ACYP2: variants seen among roughly 807,000 people sequenced by gnomAD.
ACYP2 encodes the protein acylphosphatase-2.
A neutral mutation model predicts 11.2 loss-of-function variants in ACYP2; 12 were observed. The observed-to-expected ratio is 1.08, with a 90% CI of 0.69 to 1.74. The LOEUF (loss-of-function observed/expected upper bound fraction) is 1.74, where lower values mean the gene tolerates loss of function less well. ACYP2 is among the 40% of genes most tolerant of loss of function. The pLI is 0.00. For missense variants in ACYP2, 134 were observed against 101.9 expected, an observed-to-expected ratio of 1.31 and a Z score of -1.35; for synonymous variants, 43 against 32.2, an observed-to-expected ratio of 1.33 and a Z score of -1.13.
chr2:54,141,101 T>C (rs1218488220), intron 6 of ACYP2, among the ~76,000 whole-genome samples: 2 of 152,232 alleles, frequency 1.3e-5, no homozygotes, highest in African/African-American at 4.8e-5. Flanking sequence ...TTTGTTCTCA[T>C]GAACTCCCTT....
chr2:54,162,148 G>T (rs899492228), intron 6 of ACYP2, among the ~76,000 whole-genome samples: 1 of 152,006 alleles, frequency 6.6e-6, no homozygotes, highest in Non-Finnish European at 1.5e-5. Flanking sequence ...AGTATTTAAC[G>T]AATGGGATAA....
rs1204977076 is a variant in ACYP2 at position 53,996,330 on chromosome 2, A to T, written c.62+22520A>T. Among the ~76,000 whole-genome samples, 4 of 152,016 alleles carry T rather than the reference A, an allele frequency of 2.6e-5. 1 individual carries two copies. In the East Asian group the frequency reaches 5.8e-4, roughly 22 times the overall value. Reference sequence around the variant, plus strand: ...TGTAGGGGGTGGAATGGTGATGGGGATGTACACCTATGAGAGATAAAAAAG... The same window carrying T: ...TGTAGGGGGTGGAATGGTGATGGGGTTGTACACCTATGAGAGATAAAAAAG... On this transcript the variant is annotated intron_variant, in intron 2 of 6. Coordinates refer to ENST00000607452, the MANE Select transcript of ACYP2 (RefSeq NM_001320586.2).
intron 6 of ACYP2, among the ~76,000 whole-genome samples, chr2:54,163,976 C>T (rs12621038): frequency 0.17 from 25,360 of 152,146 alleles, 2,428 homozygotes; most frequent in East Asian, 0.41. Flanking sequence ...GAGGAGATAA[C>T]AGTCTAGCTG....
intron 2 of ACYP2, among the ~76,000 whole-genome samples, chr2:54,008,784 CAGG>C (rs1426998519): frequency 6.6e-6 from 1 of 152,078 alleles, no homozygotes; most frequent in Non-Finnish European, 1.5e-5. Context: ...CGGAAGAGTA[CAGG>C]AGAAGCATTC....
At chr2:54,161,146 A>C (rs908658892) in intron 6 of ACYP2, among the ~76,000 whole-genome samples, 7 of 152,182 alleles carry the variant, frequency 4.6e-5, no homozygotes, top group African/African-American at 1.7e-4. Flanking sequence ...AAAGCTTCAG[A>C]GCCACTAAAC....
At chr2:54,040,992 G>C (rs770557591) in intron 2 of ACYP2, among the ~76,000 whole-genome samples, 1 of 152,194 alleles carries the variant, frequency 6.6e-6, no homozygotes, top group Non-Finnish European at 1.5e-5. Flanking sequence ...GTGATTGAGA[G>C]GAGAATTGCT....
intron 2 of ACYP2, among the ~76,000 whole-genome samples, chr2:53,992,481 A>G (rs995175950): frequency 6.6e-5 from 10 of 152,198 alleles, no homozygotes; most frequent in Non-Finnish European, 1.2e-4. Flanking sequence ...GAGAGATGAC[A>G]ATGGCTTGTA....
At chr2:54,280,274 G>C (rs1216715565) in intron 6 of ACYP2, among the ~76,000 whole-genome samples, 1 of 152,170 alleles carries the variant, frequency 6.6e-6, no homozygotes, top group Non-Finnish European at 1.5e-5. Context: ...ATGGTTGATT[G>C]ACTGTCCAGG....
intron 5 of ACYP2, among the ~76,000 whole-genome samples, chr2:54,136,697 C>T (rs980483141): frequency 3.9e-5 from 6 of 152,106 alleles, no homozygotes; most frequent in Non-Finnish European, 5.9e-5. Context: ...GTTCTAAGGC[C>T]GGATGCAGTG....
At chr2:54,100,326 A>G (rs1678824641) in intron 4 of ACYP2, among the ~76,000 whole-genome samples, 1 of 148,172 alleles carries the variant, frequency 6.7e-6, no homozygotes, top group African/African-American at 2.5e-5. Context: ...TTTTTGAGAC[A>G]AAGTCTTGCT....
intron 6 of ACYP2, among the ~76,000 whole-genome samples, chr2:54,152,561 C>T (rs1264410245): frequency 1.3e-5 from 2 of 152,212 alleles, no homozygotes; most frequent in African/African-American, 4.8e-5. Flanking sequence ...CCCTCCTTCT[C>T]TCCCTCTAGC....
At chr2:53,977,287 C>T (rs1264728988) in intron 2 of ACYP2, among the ~76,000 whole-genome samples, 4 of 152,034 alleles carry the variant, frequency 2.6e-5, no homozygotes, top group South Asian at 2.1e-4. Context: ...CCTCATGATC[C>T]GCCTGCCTCA....
chr2:53,990,762 C>T (rs1046135132), intron 2 of ACYP2, among the ~76,000 whole-genome samples: 11 of 151,196 alleles, frequency 7.3e-5, no homozygotes, highest in Admixed American at 2.0e-4. Flanking sequence ...TTCAGTAGGT[C>T]TGCAGATGAC....
At chr2:54,176,446 G>T (rs1683463784) in intron 6 of ACYP2, among the ~76,000 whole-genome samples, 11 of 152,226 alleles carry the variant, frequency 7.2e-5, no homozygotes, top group Admixed American at 7.2e-4. Context: ...CATACCAGCT[G>T]TGGACTGCTG....
At chr2:54,146,401 C>T (rs965341936) in intron 6 of ACYP2, among the ~76,000 whole-genome samples, 6 of 151,536 alleles carry the variant, frequency 4.0e-5, no homozygotes, top group Admixed American at 3.9e-4. Context: ...TCTTTTGGAC[C>T]CTCTTCTTTT....
At chr2:54,023,232 G>A (rs553350626) in intron 2 of ACYP2, among the ~76,000 whole-genome samples, 199 of 152,212 alleles carry the variant, frequency 1.3e-3, no homozygotes, top group Admixed American at 3.8e-3. Context: ...TGTGGGTTGT[G>A]ACCATATATT....
At chr2:54,009,151 TC>T (rs890596290) in intron 2 of ACYP2, among the ~76,000 whole-genome samples, 1 of 143,978 alleles carries the variant, frequency 6.9e-6, no homozygotes, top group African/African-American at 2.7e-5. Context: ...AGACTCCATC[TC>T]AAAAAAAAAA....
chr2:54,252,440 T>C (rs1687270278), intron 6 of ACYP2, among the ~76,000 whole-genome samples: 1 of 152,198 alleles, frequency 6.6e-6, no homozygotes. Flanking sequence ...ATCAGAGGGT[T>C]CGCACTGGTG....
intron 2 of ACYP2, among the ~76,000 whole-genome samples, chr2:53,989,981 C>CTTTTTTTTTTT (rs112395166): frequency 7.0e-6 from 1 of 143,186 alleles, no homozygotes; most frequent in African/African-American, 2.6e-5. Context: ...CTTTTCTTTT[C>CTTTTTTTTTTT]TTTTTTTTTT....
Sources: gnomAD v4.1 joint callset for allele counts (sites outside exome capture counted in the v4.1 genomes callset) on GRCh38, gnomAD v4.1.1 for gene constraint, MANE v1.5 for transcripts, NCBI Gene and HGNC (gene_info 2026-07-23, HGNC 2026-07-21) for gene names.